The following ATP6V1D variants were observed in gnomAD, a reference collection of about 807,000 sequenced individuals.
ATP6V1D encodes ATPase H+ transporting V1 subunit D.
A neutral mutation model predicts 39.4 loss-of-function variants in ATP6V1D; 20 were observed. That is an observed-to-expected ratio of 0.51 (90% CI 0.36 to 0.74). ATP6V1D has a LOEUF of 0.74. ATP6V1D is among the 30% of genes least tolerant of loss of function. The probability of loss-of-function intolerance (pLI) is 0.00; values close to 1 mark genes in which losing one functional copy is unlikely to be tolerated. For synonymous variants in ATP6V1D, 100 were observed against 100.5 expected (o/e 0.99, Z 0.03); for missense variants, 228 against 291.6 (o/e 0.78, Z 1.59).
At chr14:67,353,085 A>G (rs369959071) in intron 1 of ATP6V1D, 45 bp from the exon 2 acceptor site, 9 of 1,451,988 alleles carry the variant, frequency 6.2e-6, no homozygotes, top group Non-Finnish European at 9.5e-7. Flanking sequence ...CTCATTGTTT[A>G]AAAGACAAAA....
At chr14:67,347,688 C>G (rs1595635742) in intron 4 of ATP6V1D, among the ~76,000 whole-genome samples, 2 of 151,856 alleles carry the variant, frequency 1.3e-5, no homozygotes, top group Admixed American at 6.6e-5. Flanking sequence ...TTAGTAGACA[C>G]GGGGTTTCTC....
intron 1 of ATP6V1D, 146 bp downstream of exon 1, chr14:67,359,512 C>T: frequency 3.5e-6 from 3 of 852,162 alleles, no homozygotes; most frequent in Non-Finnish European, 5.3e-6. Context: ...CGTCAGGAAG[C>T]CTCGCCCTAG....
At chr14:67,341,945 G>C (rs1427100384) in intron 7 of ATP6V1D, among the ~76,000 whole-genome samples, 1 of 151,828 alleles carries the variant, frequency 6.6e-6, no homozygotes, top group Non-Finnish European at 1.5e-5. Flanking sequence ...TGGATTAAGG[G>C]CGGTGCAAGA....
At chr14:67,342,121 C>T (rs2085588835) in intron 7 of ATP6V1D, among the ~76,000 whole-genome samples, 1 of 151,598 alleles carries the variant, frequency 6.6e-6, no homozygotes, top group Non-Finnish European at 1.5e-5. Context: ...ACCTTCCCTC[C>T]ACTATTGTCC....
intron 7 of ATP6V1D, among the ~76,000 whole-genome samples, chr14:67,341,534 G>C (rs1202626986): frequency 6.7e-6 from 1 of 150,330 alleles, no homozygotes; most frequent in South Asian, 2.1e-4. Context: ...CCCCCCGCCT[G>C]GCCAGCCGCC....
chr14:67,359,729 G>T lies in ATP6V1D; in HGVS notation c.-31C>A. On this transcript the variant is annotated 5_prime_UTR_variant, in exon 1 of 9. Transcript: ENST00000216442. ...CGATAACTTTTCGGCTCGGGTCCCC[G>T]GCCGGGCAACCGAGGCTGCAATAGC... is the stretch of plus-strand genomic sequence containing the variant. The T allele has an allele frequency of 6.2e-7, 1 of 1,613,492 alleles. No homozygotes were observed.
At chr14:67,356,655 T>C (rs781702939) in intron 1 of ATP6V1D, among the ~76,000 whole-genome samples, 1 of 152,166 alleles carries the variant, frequency 6.6e-6, no homozygotes, top group African/African-American at 2.4e-5. Context: ...AACCAGACTT[T>C]TGATTCCACT....
intron 1 of ATP6V1D, among the ~76,000 whole-genome samples, chr14:67,356,758 ACT>A (rs1350035873): frequency 6.6e-6 from 1 of 152,052 alleles, no homozygotes; most frequent in Non-Finnish European, 1.5e-5. Flanking sequence ...TCACTGGCTG[ACT>A]CTGCACTGAC....
At position 67,349,104 on chromosome 14, in the gene ATP6V1D, G is replaced by T; in HGVS notation, c.240C>A (p.Ser80Arg). Residue 80 changes from serine to arginine, a missense_variant and splice_region_variant, in exon 4 of 9, where the codon AGC becomes AGA. Around this residue, in one of 3 missense-constraint regions of ATP6V1D, gnomAD observed 104 missense variants for 120.2 expected, o/e 0.87. Transcript: ENST00000216442. ...AEAKFTAGDF[S>R]TTVIQNVNKA... is the part of the protein sequence containing the mutation. ...TATTGACATTTTGGATAACTGTAGT[G>T]CTGCAGAAAAAGAGAAAGACTTTAT... 6.2e-7 allele frequency: 1 copy of T among 1,613,634 alleles called. No individual in the cohort carries two copies. The highest frequency in any genetic ancestry group is 8.5e-7 in the Non-Finnish European group (1 of 1,179,688).
intron 7 of ATP6V1D, 57 bp from the exon 8 acceptor site, chr14:67,340,575 A>G: frequency 7.3e-7 from 1 of 1,369,168 alleles, no homozygotes; most frequent in Non-Finnish European, 1.0e-6. Flanking sequence ...TTTTCAAATT[A>G]TCAGTGCTCA....
chr14:67,345,640 C>A, intron 6 of ATP6V1D, 128 bp downstream of exon 6: 1 of 585,208 alleles, frequency 1.7e-6, no homozygotes, highest in Non-Finnish European at 3.0e-6. Context: ...ATTATGTTTG[C>A]TTTACATAGG....
In ATP6V1D at chr14:67,349,124, C is replaced by T. The variant is rs1229291324; in HGVS notation, c.240-20G>A. 1.9e-6 allele frequency: 3 copies of T among 1,610,188 alleles called. No individual in the cohort carries two copies. The highest frequency in any genetic ancestry group is 2.5e-6 in the Non-Finnish European group (3 of 1,176,796). ...GTAGTGCTGCAGAAAAAGAGAAAGA[C>T]TTTATTTAGCAGACTCTTCAGAAAT... On this transcript the variant is annotated intron_variant, in intron 3 of 8. Coordinates refer to ENST00000216442, the MANE Select transcript of ATP6V1D (RefSeq NM_015994.4).
At chr14:67,341,821 TTC>T (rs2085586910) in intron 7 of ATP6V1D, among the ~76,000 whole-genome samples, 1 of 152,156 alleles carries the variant, frequency 6.6e-6, no homozygotes, top group African/African-American at 2.4e-5. Context: ...TGGGAGACTT[TTC>T]ATTTTGTTCT....
Position 67,338,464 on chromosome 14 carries a change from TC to T in ATP6V1D, c.*156del, listed in dbSNP as rs1291793748. 1.0e-5 allele frequency: 8 copies of T among 773,170 alleles called. No individual in the cohort carries two copies. Among genetic ancestry groups the T allele is most frequent in the Non-Finnish European group, 1.4e-5 (7 of 497,372 alleles). The allele number at this position is 773,170 out of a possible 1,614,324, so 47.9% of individuals were successfully genotyped here. Reference sequence around the variant, plus strand: ...TGATAAATGGTTGCTAAATTATGATTCTGCAAAAGTAATCCCATAAATAGAC... The same window carrying T: ...TGATAAATGGTTGCTAAATTATGATTTGCAAAAGTAATCCCATAAATAGAC... On this transcript the variant is annotated 3_prime_UTR_variant, in exon 9 of 9. Transcript: ENST00000216442.
At chr14:67,347,647 T>C (rs968029994) in intron 4 of ATP6V1D, among the ~76,000 whole-genome samples, 194 bp from the exon 5 acceptor site, 1 of 151,882 alleles carries the variant, frequency 6.6e-6, no homozygotes, top group Non-Finnish European at 1.5e-5. Context: ...ATTACAGGCA[T>C]GCACCACCAC....
chr14:67,359,723 G>C lies in ATP6V1D; in HGVS notation c.-25C>G, dbSNP rs2085716239. ...TTCTGACGATAACTTTTCGGCTCGG[G>C]TCCCCGGCCGGGCAACCGAGGCTGC... On this transcript the variant is annotated 5_prime_UTR_variant, in exon 1 of 9. Coordinates refer to ENST00000216442, the MANE Select transcript of ATP6V1D (RefSeq NM_015994.4). 6.2e-7 allele frequency: 1 copy of C among 1,613,276 alleles called. No individual in the cohort carries two copies. Among genetic ancestry groups the C allele is most frequent in the Non-Finnish European group, 8.5e-7 (1 of 1,179,850 alleles).
intron 4 of ATP6V1D, 47 bp from the exon 5 acceptor site, chr14:67,347,500 CTCTTT>C: frequency 1.1e-5 from 14 of 1,300,816 alleles, no homozygotes; most frequent in African/African-American, 2.0e-5. Flanking sequence ...TTTAAGTTCT[CTCTTT>C]TTTTTTTTTT....
intron 1 of ATP6V1D, among the ~76,000 whole-genome samples, chr14:67,356,263 A>T (rs2085684271): frequency 6.6e-6 from 1 of 151,992 alleles, no homozygotes; most frequent in South Asian, 2.1e-4. Flanking sequence ...CTACCAAAAA[A>T]TACAAAAATT....
chr14:67,351,911 CA>C (rs758907410), intron 2 of ATP6V1D, among the ~76,000 whole-genome samples: 154 of 127,804 alleles, frequency 1.2e-3, no homozygotes, highest in South Asian at 1.1e-3. Context: ...GAACCTCTAC[CA>C]AAAAAAAAAA....
Sources: allele counts gnomAD v4.1 joint callset (sites outside exome capture counted in the v4.1 genomes callset), GRCh38; gene constraint gnomAD v4.1.1; regional missense constraint gnomAD v4.1.1; transcripts MANE v1.5; gene names NCBI Gene and HGNC (gene_info 2026-07-23, HGNC 2026-07-21).